The following PCDHGB7 variants were observed in gnomAD, a reference collection of about 807,000 sequenced individuals.
The protein encoded by PCDHGB7 is protocadherin gamma-B7.
In PCDHGB7, 37 loss-of-function variants were observed where a neutral mutation model predicts 61.4. That is an observed-to-expected ratio of 0.60 (90% CI 0.46 to 0.79). The LOEUF is 0.79. Among genes scored for constraint, PCDHGB7 ranks in the 30% least tolerant of loss-of-function variants. The pLI is 0.00. For missense variants in PCDHGB7, 1,166 were observed against 1,202.5 expected (o/e 0.97, Z 0.45); for synonymous variants, 464 against 503.5 (o/e 0.92, Z 1.05).
intron 1 of PCDHGB7, among the ~76,000 whole-genome samples, chr5:141,481,105 T>C (rs1357970765): frequency 6.6e-6 from 1 of 152,188 alleles, no homozygotes; most frequent in Non-Finnish European, 1.5e-5. Flanking sequence ...CTCTGGAACC[T>C]ACCAATCCAT....
chr5:141,496,160 G>C (rs1428576442), intron 2 of PCDHGB7, among the ~76,000 whole-genome samples: 2 of 151,600 alleles, frequency 1.3e-5, no homozygotes, highest in Admixed American at 6.6e-5. Flanking sequence ...CTCTCCACCA[G>C]ACACCCTCCC....
chr5:141,450,489 CTGTT>C (rs1372781820), intron 1 of PCDHGB7, among the ~76,000 whole-genome samples: 4 of 150,280 alleles, frequency 2.7e-5, no homozygotes, highest in Non-Finnish European at 2.9e-5. Context: ...GTTTGTTTGT[CTGTT>C]TGTTTGTTTT....
intron 2 of PCDHGB7, among the ~76,000 whole-genome samples, chr5:141,500,023 G>C (rs1393994881): frequency 1.3e-5 from 2 of 151,754 alleles, no homozygotes; most frequent in Admixed American, 6.6e-5. Flanking sequence ...TTTTATATTT[G>C]AGTGAGTGTC....
intron 1 of PCDHGB7, chr5:141,478,331 G>C: frequency 6.2e-7 from 1 of 1,613,956 alleles, no homozygotes; most frequent in Non-Finnish European, 8.5e-7. Context: ...CCGAACACCA[G>C]GGCCCTCCTT....
chr5:141,489,061 C>A lies in PCDHGB7; in HGVS notation c.2416-5746C>A. On this transcript the variant is annotated intron_variant, in intron 1 of 3. Coordinates refer to ENST00000398594, the MANE Select transcript of PCDHGB7 (RefSeq NM_018927.4). This position sits in a 1 kb window ranked among gnomAD's most constrained non-coding sequence, Gnocchi z 4.5. ...AGCTCCACTCAAATTCAGCTCCCCT[C>A]CCCCCTGCCCACCCCCGCCACTCGG... 5 of 347,080 alleles carry A rather than the reference C, an allele frequency of 1.4e-5. No individual in the cohort carries two copies. The highest frequency in any genetic ancestry group is 2.2e-5 in the African/African-American group (1 of 46,422). 21.5% of individuals were successfully genotyped at this position (347,080 alleles called of 1,614,324 possible). A position where few individuals can be genotyped will look rare whatever the true frequency, so the allele number is the denominator to read the frequency against.
chr5:141,468,680 C>T (rs1176643092), intron 1 of PCDHGB7: 1 of 151,074 alleles, frequency 6.6e-6, no homozygotes, highest in Non-Finnish European at 1.5e-5. Flanking sequence ...TCCTGGCTAA[C>T]ACGGTGAAAC....
chr5:141,422,344 C>G, intron 1 of PCDHGB7: 1 of 1,550,890 alleles, frequency 6.4e-7, no homozygotes, highest in Non-Finnish European at 8.7e-7. Flanking sequence ...TCTAAATGTG[C>G]AAGATCAAGA....
At chr5:141,488,738 ATGCAGGAAGT>A (rs771423337) in intron 1 of PCDHGB7, among the ~76,000 whole-genome samples, 1 of 152,222 alleles carries the variant, frequency 6.6e-6, no homozygotes, top group Non-Finnish European at 1.5e-5. Flanking sequence ...TTCTGAAGTC[ATGCAGGAAGT>A]TGCTGGGACA....
chr5:141,453,848 C>T (rs1045684685), intron 1 of PCDHGB7, among the ~76,000 whole-genome samples: 38 of 152,290 alleles, frequency 2.5e-4, no homozygotes, highest in Non-Finnish European at 4.4e-4. Context: ...GTCCACAGAG[C>T]ACTTTGAAAA....
rs73280911 is a variant in PCDHGB7, at chr5:141,446,356, A to C, written c.2415+26082A>C. Among the ~76,000 whole-genome samples the C allele has an allele frequency of 2.0e-5, 3 of 152,188 alleles. No individual in the cohort carries two copies. In the South Asian group the frequency reaches 6.2e-4, roughly 31 times the overall value. On this transcript the variant is annotated intron_variant, in intron 1 of 3. Transcript: ENST00000398594. ...ACTGGATGGACAAAGCTACCATTTGATGAGAATGGAAGACTAAAGAATGAT... is the reference window on the plus strand; with the variant it reads ...ACTGGATGGACAAAGCTACCATTTGCTGAGAATGGAAGACTAAAGAATGAT...
intron 1 of PCDHGB7, chr5:141,426,664 A>G (rs886265350): frequency 2.3e-6 from 1 of 429,248 alleles, no homozygotes; most frequent in Admixed American, 2.5e-5. Flanking sequence ...GATATAAATG[A>G]TAACCCACCT....
Position 141,491,916 on chromosome 5 carries a change from G to T in PCDHGB7, c.2416-2891G>T. ...GAGCACCGGGGGTGGTGGCGACTGT[G>T]GGCGAGGGGAGGTGGGACCGACCCC... On this transcript the variant is annotated intron_variant, in intron 1 of 3. Transcript: ENST00000398594. The surrounding 1 kb of genome is among the most constrained non-coding windows in gnomAD (Gnocchi z 6.9). 2 of 1,386,662 alleles carry T rather than the reference G, an allele frequency of 1.4e-6. No homozygotes were observed. Among genetic ancestry groups the T allele is most frequent in the African/African-American group, 1.5e-5 (1 of 68,510 alleles). The allele number at this position is 1,386,662 out of a possible 1,614,324, so 85.9% of individuals were successfully genotyped here.
Position 141,511,186 on chromosome 5 carries a change from G to A in PCDHGB7, c.*13G>A. 1 of 1,613,906 alleles carries A rather than the reference G, an allele frequency of 6.2e-7. No individual in the cohort carries two copies. The highest frequency in any genetic ancestry group is 8.5e-7 in the Non-Finnish European group (1 of 1,179,890). ...GGAGAAGAAGTAACATGGAGGCCAG[G>A]CCAAGAGCCACAGGGCGGCCTCTCC... On this transcript the variant is annotated 3_prime_UTR_variant, in exon 4 of 4. Transcript: ENST00000398594.
At chr5:141,425,827 T>C (rs2096896512) in intron 1 of PCDHGB7, among the ~76,000 whole-genome samples, 1 of 152,226 alleles carries the variant, frequency 6.6e-6, no homozygotes, top group South Asian at 2.1e-4. Context: ...AAACAAACTT[T>C]TAAATTCTCT....
In PCDHGB7 at chr5:141,432,075, C is replaced by G. The variant is rs2097446801; in HGVS notation, c.2415+11801C>G. 2 of 1,614,086 alleles carry G rather than the reference C, an allele frequency of 1.2e-6. No individual in the cohort carries two copies. Among genetic ancestry groups the G allele is most frequent in the Non-Finnish European group, 1.7e-6 (2 of 1,180,054 alleles). ...CCCCTATCCACGGAAACTCATATCT[C>G]GCTGAACGTGGCAGACACCAACGAC... On this transcript the variant is annotated intron_variant, in intron 1 of 3. Transcript: ENST00000398594. This position sits in a 1 kb window ranked among gnomAD's most constrained non-coding sequence, Gnocchi z 6.0.
At chr5:141,466,180 A>T (rs566514149) in intron 1 of PCDHGB7, among the ~76,000 whole-genome samples, 100 of 151,254 alleles carry the variant, frequency 6.6e-4, no homozygotes, top group African/African-American at 2.1e-3. Context: ...TTTTATTTTT[A>T]TTTTTTTTCA....
At chr5:141,422,459 T>C (rs1368153179) in intron 1 of PCDHGB7, 1 of 1,613,448 alleles carries the variant, frequency 6.2e-7, no homozygotes, top group South Asian at 1.1e-5. Context: ...AGCAGAGTGC[T>C]GGACAGGGAG....
At chr5:141,483,656 G>A (rs1345435222) in intron 1 of PCDHGB7, among the ~76,000 whole-genome samples, 1 of 151,984 alleles carries the variant, frequency 6.6e-6, no homozygotes, top group Non-Finnish European at 1.5e-5. Flanking sequence ...GTTTGTGTGT[G>A]TGTGTGTGTG....
At chr5:141,464,131 G>C (rs982496493) in intron 1 of PCDHGB7, among the ~76,000 whole-genome samples, 19 of 152,056 alleles carry the variant, frequency 1.2e-4, no homozygotes, top group Admixed American at 2.0e-4. Flanking sequence ...TGGGTGTGGT[G>C]GTGGGCGCCT....
Sources: allele counts gnomAD v4.1 joint callset (sites outside exome capture counted in the v4.1 genomes callset), GRCh38; gene constraint gnomAD v4.1.1; non-coding constraint Gnocchi (gnomAD v3.1); transcripts MANE v1.5; gene names NCBI Gene and HGNC (gene_info 2026-07-23, HGNC 2026-07-21).